The following IDE variants were observed in gnomAD, a reference collection of about 807,000 sequenced individuals.
The protein encoded by IDE is insulin degrading enzyme.
Under a neutral mutation model 133.2 loss-of-function variants are expected in IDE, and 58 were observed. The observed-to-expected ratio is 0.44, with a 90% CI of 0.35 to 0.54. The LOEUF is 0.54. Ranked by LOEUF, IDE falls within the 20% of genes least tolerant of loss-of-function variation. IDE has a pLI of 0.00. For missense variants in IDE, 981 were observed against 1,234.0 expected (o/e 0.79, Z 3.07); for synonymous variants, 396 against 421.3 (o/e 0.94, Z 0.73).
At chr10:92,541,311 G>A (rs1487402635) in intron 1 of IDE, 5 of 470,832 alleles carry the variant, frequency 1.1e-5, no homozygotes, top group South Asian at 7.8e-5. Context: ...CTGGAGAAGT[G>A]AAGACAATGA....
chr10:92,475,673 G>A (rs917984491), intron 16 of IDE, among the ~76,000 whole-genome samples: 38 of 152,218 alleles, frequency 2.5e-4, no homozygotes, highest in African/African-American at 8.9e-4. Context: ...GGCACCCACA[G>A]AGAAGAGGCC....
chr10:92,531,098 T>C lies in IDE; in HGVS notation c.661+650A>G, dbSNP rs536409754. 7.2e-5 allele frequency among the ~76,000 whole-genome samples: 11 copies of C among 152,346 alleles called. No homozygotes were observed. In the South Asian group the frequency reaches 2.1e-3, roughly 29 times the overall value. ...ATGACTGGCAGGAATAGATAAAGAA[T>C]AGACAGACTTTGTGTTTCTGCTTTT... is the stretch of plus-strand genomic sequence containing the variant. On this transcript the variant is annotated intron_variant, in intron 4 of 24. Transcript: ENST00000265986.
chr10:92,510,647 T>C (rs1374257412), intron 5 of IDE, among the ~76,000 whole-genome samples: 5 of 151,530 alleles, frequency 3.3e-5, no homozygotes, highest in African/African-American at 1.2e-4. Flanking sequence ...ATATCACATA[T>C]ATGATATATA....
At chr10:92,550,650 C>CA (rs71028826) in intron 1 of IDE, among the ~76,000 whole-genome samples, 12,298 of 56,376 alleles carry the variant, frequency 0.22, 1,461 homozygotes, top group Non-Finnish European at 0.26. Context: ...GACTCCGTCT[C>CA]AAAAAAAAAA....
At chr10:92,566,996 T>A (rs573420223) in intron 1 of IDE, among the ~76,000 whole-genome samples, 1 of 152,138 alleles carries the variant, frequency 6.6e-6, no homozygotes, top group South Asian at 2.1e-4. Flanking sequence ...CAGTAGTAGG[T>A]CAGTATTCAT....
At chr10:92,510,847 A>G (rs1354556682) in intron 5 of IDE, among the ~76,000 whole-genome samples, 2 of 150,722 alleles carry the variant, frequency 1.3e-5, no homozygotes, top group Non-Finnish European at 3.0e-5. Context: ...TATCACACAT[A>G]TGATATATAT....
At chr10:92,544,845 G>T (rs1842470534) in intron 1 of IDE, among the ~76,000 whole-genome samples, 1 of 152,084 alleles carries the variant, frequency 6.6e-6, no homozygotes, top group Admixed American at 6.5e-5. Context: ...ATGTATAACA[G>T]GTTTAAAGCA....
At chr10:92,457,602 C>T (rs1191504518) in intron 22 of IDE, among the ~76,000 whole-genome samples, 4 of 152,132 alleles carry the variant, frequency 2.6e-5, no homozygotes, top group Non-Finnish European at 5.9e-5. Context: ...CAGACTTCTA[C>T]TGTCTTTTCT....
At chr10:92,466,173 G>A (rs568923113) in intron 19 of IDE, among the ~76,000 whole-genome samples, 1 of 143,638 alleles carries the variant, frequency 7.0e-6, no homozygotes, top group Admixed American at 7.2e-5. Context: ...TGAGGCTGCA[G>A]TGAGCTGTGA....
intron 2 of IDE, among the ~76,000 whole-genome samples, chr10:92,537,005 TC>T (rs1389842992): frequency 6.7e-6 from 1 of 148,450 alleles, no homozygotes; most frequent in Non-Finnish European, 1.5e-5. Context: ...GCCACTGCAC[TC>T]CAGCCTGGCG....
chr10:92,573,282 A>C, intron 1 of IDE: 3 of 634,214 alleles, frequency 4.7e-6, no homozygotes, highest in Non-Finnish European at 5.9e-6. Flanking sequence ...CATCTCTCGG[A>C]GCTCCGGTTG....
intron 12 of IDE, 53 bp downstream of exon 12, chr10:92,490,440 T>A (rs961427857): frequency 9.0e-7 from 1 of 1,114,332 alleles, no homozygotes; most frequent in African/African-American, 1.5e-5. Flanking sequence ...TAGGGAGCAA[T>A]GTTCTTGTGA....
intron 12 of IDE, among the ~76,000 whole-genome samples, chr10:92,489,271 G>A (rs1847205302): frequency 6.6e-6 from 1 of 152,176 alleles, no homozygotes; most frequent in Admixed American, 6.5e-5. Flanking sequence ...AAAATTCCCA[G>A]CCGGGTGTGG....
chr10:92,470,230 A>C (rs201500223), intron 18 of IDE, 24 bp downstream of exon 18: 16 of 1,494,186 alleles, frequency 1.1e-5, no homozygotes, highest in Non-Finnish European at 1.4e-5. Flanking sequence ...TCCACAAAAG[A>C]TTGCTAAAAC....
chr10:92,456,787 A>G (rs3781240), intron 22 of IDE, among the ~76,000 whole-genome samples: 27,572 of 138,830 alleles, frequency 0.2, 2,895 homozygotes, highest in Admixed American at 0.3. Flanking sequence ...GCCATGTGCC[A>G]TGAGCCGAGA....
At chr10:92,538,377 A>G (rs879596962) in intron 1 of IDE, among the ~76,000 whole-genome samples, 5 of 152,372 alleles carry the variant, frequency 3.3e-5, no homozygotes, top group Admixed American at 6.5e-5. Flanking sequence ...ACAACCCCCA[A>G]TGAGGAACAA....
At chr10:92,455,713 C>T in intron 23 of IDE, 70 bp from the exon 24 acceptor site, 1 of 795,376 alleles carries the variant, frequency 1.3e-6, no homozygotes. Context: ...AAAAAAAAAA[C>T]TAAACCAGAC....
intron 1 of IDE, among the ~76,000 whole-genome samples, chr10:92,557,874 C>A (rs530484574): frequency 2.5e-3 from 275 of 108,220 alleles, no homozygotes; most frequent in Middle Eastern, 5.3e-3. Flanking sequence ...GATTCCACCT[C>A]AAAAAAAAAA....
intron 22 of IDE, 45 bp from the exon 23 acceptor site, chr10:92,456,476 A>T (rs759334464): frequency 3.9e-6 from 5 of 1,277,170 alleles, no homozygotes; most frequent in Non-Finnish European, 4.6e-6. Context: ...TCCACTAAAG[A>T]ACTTACAATG....
Sources: gnomAD v4.1 joint callset for allele counts (sites outside exome capture counted in the v4.1 genomes callset) on GRCh38, gnomAD v4.1.1 for gene constraint, MANE v1.5 for transcripts, NCBI Gene and HGNC (gene_info 2026-07-23, HGNC 2026-07-21) for gene names.